MAGI2: variants seen among roughly 807,000 people sequenced by gnomAD.
The protein encoded by MAGI2 is membrane-associated guanylate kinase, WW and PDZ domain-containing protein 2.
A neutral mutation model predicts 133.3 loss-of-function variants in MAGI2; 35 were observed. The ratio of observed to expected loss-of-function variants is 0.26; its 90% CI spans 0.20 to 0.35. MAGI2 has a LOEUF of 0.35. Among genes scored for constraint, MAGI2 ranks in the 10% least tolerant of loss-of-function variants. The pLI, the probability that MAGI2 is intolerant of heterozygous loss-of-function variation, is 1.00. For missense variants in MAGI2, 1,636 were observed against 1,863.4 expected, an observed-to-expected ratio of 0.88 and a Z score of 2.25; for synonymous variants, 729 against 710.6, an observed-to-expected ratio of 1.03 and a Z score of -0.41.
intron 1 of MAGI2, among the ~76,000 whole-genome samples, chr7:79,355,161 AC>A (rs2129115099): frequency 6.6e-6 from 1 of 151,896 alleles, no homozygotes; most frequent in African/African-American, 2.4e-5. Context: ...CCTGCCACTA[AC>A]CCATTCAGAT....
intron 1 of MAGI2, among the ~76,000 whole-genome samples, chr7:79,194,933 A>C (rs956496480): frequency 1.1e-4 from 17 of 152,014 alleles, no homozygotes; most frequent in African/African-American, 3.6e-4. Context: ...GCTATTAATA[A>C]AATGAAGTTA....
chr7:78,620,344 T>A (rs750186829), intron 3 of MAGI2, among the ~76,000 whole-genome samples: 48 of 152,022 alleles, frequency 3.2e-4, no homozygotes, highest in Non-Finnish European at 5.2e-4. Context: ...CATCAAACTA[T>A]GCTAAAATAA....
At chr7:78,984,799 G>A (rs1805095988) in intron 2 of MAGI2, among the ~76,000 whole-genome samples, 1 of 151,790 alleles carries the variant, frequency 6.6e-6, no homozygotes, top group Non-Finnish European at 1.5e-5. Context: ...CTATTTTTCT[G>A]TTTATTGTCT....
chr7:78,386,770 G>A (rs573086895), intron 6 of MAGI2, among the ~76,000 whole-genome samples: 5 of 152,286 alleles, frequency 3.3e-5, no homozygotes, highest in Admixed American at 6.5e-5. Context: ...ATGCAAACAC[G>A]AAAACTATTC....
At position 78,019,888 on chromosome 7, in the gene MAGI2, G is replaced by C. The variant is rs900196383; in HGVS notation, c.3795C>G (p.Phe1265Leu). Residue 1265 changes from phenylalanine (F) to leucine (L), a missense_variant, in exon 22 of 22, where the codon TTC becomes TTG. Around this residue, in one of 5 missense-constraint regions of MAGI2, gnomAD observed 354 missense variants for 298.7 expected, o/e 1.19. Coordinates refer to ENST00000354212, the MANE Select transcript of MAGI2 (RefSeq NM_012301.4). ...AGGGTGGGGCTGGATGTGATGGAGA[G>C]AATGGAGCGAGGCCGTCGTCCAGGG... ...GVSLDDGLAP[F>L]SPSHPAPPSD... 1.2e-6 allele frequency: 2 copies of C among 1,612,574 alleles called. No homozygotes were observed. The highest frequency in any genetic ancestry group is 1.7e-6 in the Non-Finnish European group (2 of 1,179,506).
At chr7:78,616,379 T>C (rs1272209553) in intron 3 of MAGI2, 1 of 152,084 alleles carries the variant, frequency 6.6e-6, no homozygotes, top group Non-Finnish European at 1.5e-5. Flanking sequence ...AGACAGAAAT[T>C]TTAGGGAAGG....
intron 2 of MAGI2, among the ~76,000 whole-genome samples, chr7:78,665,886 C>G (rs1404813818): frequency 6.6e-6 from 1 of 152,076 alleles, no homozygotes; most frequent in African/African-American, 2.4e-5. Context: ...GAGATATAGT[C>G]TGTATCTTTA....
chr7:79,295,048 A>T (rs1281872244), intron 1 of MAGI2, among the ~76,000 whole-genome samples: 2 of 152,074 alleles, frequency 1.3e-5, no homozygotes, highest in Non-Finnish European at 1.5e-5. Context: ...ATATTGTGGT[A>T]GTTCTTTTAG....
At chr7:78,685,815 C>T (rs1816235300) in intron 2 of MAGI2, among the ~76,000 whole-genome samples, 1 of 151,872 alleles carries the variant, frequency 6.6e-6, no homozygotes, top group Non-Finnish European at 1.5e-5. Context: ...GTTCTGTGGG[C>T]AAATGTCATG....
intron 9 of MAGI2, among the ~76,000 whole-genome samples, chr7:78,297,333 G>A (rs961957113): frequency 1.3e-5 from 2 of 151,968 alleles, no homozygotes; most frequent in African/African-American, 4.8e-5. Context: ...GAAACAACAG[G>A]TGCTGGAGAG....
intron 2 of MAGI2, chr7:78,904,252 A>G (rs1163156000): frequency 6.6e-6 from 1 of 152,258 alleles, no homozygotes; most frequent in Non-Finnish European, 1.5e-5. Flanking sequence ...AAAATTTCAG[A>G]TGAAGAAGAA....
intron 2 of MAGI2, among the ~76,000 whole-genome samples, chr7:78,828,877 T>A (rs1218152713): frequency 6.6e-6 from 1 of 152,156 alleles, no homozygotes; most frequent in African/African-American, 2.4e-5. Flanking sequence ...CTAGTAACAA[T>A]ATAAAATTGG....
At chr7:79,016,065 T>G (rs889607899) in intron 1 of MAGI2, among the ~76,000 whole-genome samples, 6 of 149,316 alleles carry the variant, frequency 4.0e-5, no homozygotes, top group African/African-American at 1.5e-4. Context: ...CCTGGAATCC[T>G]GCCAGCAGGA....
intron 1 of MAGI2, among the ~76,000 whole-genome samples, chr7:79,254,155 G>T (rs1833522538): frequency 6.6e-6 from 1 of 151,952 alleles, no homozygotes; most frequent in Non-Finnish European, 1.5e-5. Context: ...TGTCAAATGT[G>T]CATTTCTATT....
intron 6 of MAGI2, chr7:78,484,083 C>T (rs1792713810): frequency 6.6e-6 from 1 of 151,752 alleles, no homozygotes. Flanking sequence ...GCCAAAGCTC[C>T]TATTTAAGGG....
At chr7:78,958,357 A>G (rs1245371674) in intron 2 of MAGI2, among the ~76,000 whole-genome samples, 1 of 152,118 alleles carries the variant, frequency 6.6e-6, no homozygotes, top group Non-Finnish European at 1.5e-5. Context: ...ACTTTGTGTC[A>G]CATTGATGCT....
intron 2 of MAGI2, among the ~76,000 whole-genome samples, chr7:78,744,462 T>C (rs1822739154): frequency 6.6e-6 from 1 of 152,210 alleles, no homozygotes; most frequent in African/African-American, 2.4e-5. Flanking sequence ...TTATGGAATA[T>C]GAATTTAATT....
chr7:78,277,487 C>G (rs73700718), intron 9 of MAGI2, among the ~76,000 whole-genome samples: 60 of 152,214 alleles, frequency 3.9e-4, no homozygotes, highest in African/African-American at 1.4e-3. Flanking sequence ...AGTAACATTT[C>G]AAGAAGGCAT....
intron 2 of MAGI2, among the ~76,000 whole-genome samples, chr7:78,928,812 A>C (rs1428949978): frequency 6.6e-6 from 1 of 151,782 alleles, no homozygotes; most frequent in Non-Finnish European, 1.5e-5. Context: ...AAATTCAACA[A>C]AGAGAAAGAA....
Sources: gnomAD v4.1 joint callset for allele counts (sites outside exome capture counted in the v4.1 genomes callset) on GRCh38, gnomAD v4.1.1 for gene constraint, gnomAD v4.1.1 regional missense constraint, MANE v1.5 for transcripts, NCBI Gene and HGNC (gene_info 2026-07-23, HGNC 2026-07-21) for gene names.